Variants in MYO1B observed in about 807,000 individuals in gnomAD.
MYO1B encodes myosin IB.
In MYO1B, 72 loss-of-function variants were observed where a neutral mutation model predicts 159.7. The ratio of observed to expected loss-of-function variants is 0.45; its 90% CI spans 0.37 to 0.55. The LOEUF is 0.55. Ranked by LOEUF, MYO1B falls within the 20% of genes least tolerant of loss-of-function variation. The pLI is 0.00. For missense variants in MYO1B, 1,062 were observed against 1,364.8 expected, an observed-to-expected ratio of 0.78 and a Z score of 3.50; for synonymous variants, 468 against 473.8, an observed-to-expected ratio of 0.99 and a Z score of 0.16.
chr2:191,250,697 C>A (rs1387474456), intron 1 of MYO1B, among the ~76,000 whole-genome samples: 1 of 152,156 alleles, frequency 6.6e-6, no homozygotes, highest in Non-Finnish European at 1.5e-5. Context: ...AGGTTGATTT[C>A]CTTCTCATCA....
chr2:191,358,579 T>C (rs1693451754), intron 7 of MYO1B, among the ~76,000 whole-genome samples: 1 of 152,238 alleles, frequency 6.6e-6, no homozygotes, highest in African/African-American at 2.4e-5. Context: ...TGCCAAACAT[T>C]AGACTGGCCA....
chr2:191,404,932 TTAAAA>T (rs891012285), intron 24 of MYO1B, among the ~76,000 whole-genome samples: 3 of 152,212 alleles, frequency 2.0e-5, no homozygotes, highest in African/African-American at 4.8e-5. Context: ...TGGCAATTTC[TTAAAA>T]TAAGATAACA....
chr2:191,281,948 A>T (rs1457677326), intron 2 of MYO1B, among the ~76,000 whole-genome samples: 4 of 152,184 alleles, frequency 2.6e-5, no homozygotes, highest in African/African-American at 9.7e-5. Flanking sequence ...AAGTTGTCTT[A>T]AGTTATAGAA....
rs555277800 is a variant in MYO1B at position 191,386,928 on chromosome 2, A to G, written c.1555-296A>G. On this transcript the variant is annotated intron_variant, in intron 16 of 30. Coordinates refer to ENST00000392318, the MANE Select transcript of MYO1B (RefSeq NM_001130158.3). ...AAAAATAAAAGTAAAACCCCAGAAT[A>G]TGTTCAGACTCCTAAAAAATGCAAA... 4.6e-5 allele frequency among the ~76,000 whole-genome samples: 7 copies of G among 152,340 alleles called. No individual in the cohort carries two copies. In the South Asian group the frequency reaches 1.2e-3, roughly 27 times the overall value.
intron 23 of MYO1B, 26 bp from the exon 24 acceptor site, chr2:191,402,604 CTT>C: frequency 1.9e-6 from 3 of 1,603,350 alleles, no homozygotes; most frequent in East Asian, 2.2e-5. Flanking sequence ...TGGGCTGTCT[CTT>C]TTATTTACTA....
At chr2:191,252,276 G>A (rs966020541) in intron 1 of MYO1B, among the ~76,000 whole-genome samples, 7 of 152,180 alleles carry the variant, frequency 4.6e-5, no homozygotes, top group Non-Finnish European at 4.4e-5. Flanking sequence ...AAAGTGTTGA[G>A]AGCTATTCAT....
At chr2:191,385,257 C>G (rs2126084431) in intron 15 of MYO1B, among the ~76,000 whole-genome samples, 1 of 152,282 alleles carries the variant, frequency 6.6e-6, no homozygotes, top group South Asian at 2.1e-4. Context: ...TGTTTAACAT[C>G]CATTTAGAAA....
chr2:191,362,565 CT>C (rs1693739156), intron 9 of MYO1B, among the ~76,000 whole-genome samples, 194 bp downstream of exon 9: 1 of 152,136 alleles, frequency 6.6e-6, no homozygotes, highest in Non-Finnish European at 1.5e-5. Context: ...GAAGGCCATG[CT>C]TTTATTAGAG....
In MYO1B at chr2:191,279,576, A is replaced by G. The variant is rs866326966; in HGVS notation, c.135+2546A>G. Among the ~76,000 whole-genome samples, 125 of 152,166 alleles carry G rather than the reference A, an allele frequency of 8.2e-4. 1 individual carries two copies. Among genetic ancestry groups the G allele is most frequent in the Admixed American group, 6.3e-3 (97 of 15,282 alleles). On this transcript the variant is annotated intron_variant, in intron 2 of 30. Transcript: ENST00000392318. ...ACCACACTCTCCAGCCCCACATGCC[A>G]TGTATTCTTCCCTGGTGAAATCTAT...
At chr2:191,291,111 G>A (rs1276501263) in intron 2 of MYO1B, among the ~76,000 whole-genome samples, 6 of 152,152 alleles carry the variant, frequency 3.9e-5, no homozygotes. Context: ...AAAACACGTG[G>A]CCTTTAGGTT....
chr2:191,392,987 G>A, intron 19 of MYO1B, 86 bp from the exon 20 acceptor site: 1 of 1,188,338 alleles, frequency 8.4e-7, no homozygotes, highest in East Asian at 2.4e-5. Context: ...CCAACATGAT[G>A]GCATTTTGTC....
chr2:191,400,153 G>C (rs1696515976), intron 21 of MYO1B, among the ~76,000 whole-genome samples: 2 of 152,110 alleles, frequency 1.3e-5, no homozygotes, highest in African/African-American at 4.8e-5. Flanking sequence ...GTGTATCAGG[G>C]TACGGGAGGC....
intron 3 of MYO1B, among the ~76,000 whole-genome samples, chr2:191,301,717 C>T (rs147281501): frequency 4.2e-4 from 64 of 152,286 alleles, no homozygotes; most frequent in African/African-American, 1.4e-3. Context: ...CTTGGTTAAG[C>T]GATACTCAGT....
intron 4 of MYO1B, among the ~76,000 whole-genome samples, chr2:191,331,781 G>C (rs559240875): frequency 6.6e-6 from 1 of 152,322 alleles, no homozygotes; most frequent in South Asian, 2.1e-4. Flanking sequence ...CATAAGTGGA[G>C]TGAAGGAAAA....
chr2:191,337,537 A>G (rs1035840047), intron 4 of MYO1B, among the ~76,000 whole-genome samples: 3 of 152,146 alleles, frequency 2.0e-5, no homozygotes, highest in African/African-American at 7.2e-5. Flanking sequence ...TGTTAACCCT[A>G]AATGTTCTGC....
intron 24 of MYO1B, among the ~76,000 whole-genome samples, chr2:191,406,771 T>G (rs1432588907): frequency 6.6e-6 from 1 of 152,246 alleles, no homozygotes; most frequent in Non-Finnish European, 1.5e-5. Flanking sequence ...GCCAATAGGC[T>G]TGTTTGATGC....
chr2:191,246,727 A>G (rs1385672693), intron 1 of MYO1B, among the ~76,000 whole-genome samples: 1 of 152,218 alleles, frequency 6.6e-6, no homozygotes, highest in African/African-American at 2.4e-5. Context: ...ATAATATAGT[A>G]CAACAGTTTT....
intron 11 of MYO1B, among the ~76,000 whole-genome samples, chr2:191,368,714 C>T (rs1574527337): frequency 6.6e-6 from 1 of 152,138 alleles, no homozygotes; most frequent in African/African-American, 2.4e-5. Context: ...GCTCATGCCT[C>T]TCTAATCCCA....
At chr2:191,346,890 T>C (rs1357343409) in intron 6 of MYO1B, among the ~76,000 whole-genome samples, 2 of 152,204 alleles carry the variant, frequency 1.3e-5, no homozygotes, top group Non-Finnish European at 2.9e-5. Context: ...CCCTGGCCTG[T>C]GCCTTGCATG....
Sources: gnomAD v4.1 joint callset for allele counts (sites outside exome capture counted in the v4.1 genomes callset) on GRCh38, gnomAD v4.1.1 for gene constraint, MANE v1.5 for transcripts, NCBI Gene and HGNC (gene_info 2026-07-23, HGNC 2026-07-21) for gene names.